Variants in UBE2E1 observed in about 807,000 individuals in gnomAD.
The protein encoded by UBE2E1 is ubiquitin-conjugating enzyme E2 E1.
UBE2E1 carries 6 observed loss-of-function variants against 21.4 expected under a neutral mutation model. The ratio of observed to expected loss-of-function variants is 0.28; its 90% CI spans 0.15 to 0.55. The LOEUF is 0.55. Ranked by LOEUF, UBE2E1 falls within the 20% of genes least tolerant of loss-of-function variation. UBE2E1 has a pLI of 0.93. For synonymous variants in UBE2E1, 87 were observed against 82.7 expected (o/e 1.05, Z -0.28); for missense variants, 142 against 236.5 (o/e 0.60, Z 2.62).
intron 3 of UBE2E1, among the ~76,000 whole-genome samples, chr3:23,868,722 T>G (rs1483446770): frequency 1.3e-5 from 2 of 149,332 alleles, no homozygotes; most frequent in Non-Finnish European, 3.0e-5. Flanking sequence ...ACAGTGTTGT[T>G]TTTTTTTTTT....
At chr3:23,828,162 A>C (rs1400915372) in intron 3 of UBE2E1, among the ~76,000 whole-genome samples, 1 of 152,210 alleles carries the variant, frequency 6.6e-6, no homozygotes, top group African/African-American at 2.4e-5. Context: ...TCTTGTACCT[A>C]ACACCAGAAG....
intron 2 of UBE2E1, 114 bp from the exon 3 acceptor site, chr3:23,811,346 C>T: frequency 2.1e-6 from 2 of 968,538 alleles, no homozygotes; most frequent in South Asian, 1.3e-5. Flanking sequence ...CCTCTTTGCC[C>T]AGTAGAATCC....
chr3:23,808,218 C>T lies in UBE2E1; in HGVS notation c.152+797C>T, dbSNP rs1012639306. Among the ~76,000 whole-genome samples the T allele has an allele frequency of 1.3e-4, 20 of 152,096 alleles. No homozygotes were observed. Among genetic ancestry groups the T allele is most frequent in the African/African-American group, 4.6e-4 (19 of 41,410 alleles). ...TACTTTTTATCCCTGCCATCCTAAG[C>T]GGTCACCCTTTTTCTTTATTCTTTT... On this transcript the variant is annotated intron_variant, in intron 2 of 5. Transcript: ENST00000306627. This position sits in a 1 kb window ranked among gnomAD's most constrained non-coding sequence, Gnocchi z 4.9.
At chr3:23,875,717 T>C (rs9845287) in intron 3 of UBE2E1, among the ~76,000 whole-genome samples, 117,137 of 152,160 alleles carry the variant, frequency 0.77, 45,674 homozygotes, top group African/African-American at 0.86. Flanking sequence ...GGAAGATATA[T>C]CCCCTATTTA....
intron 3 of UBE2E1, among the ~76,000 whole-genome samples, chr3:23,877,964 T>C (rs1250969278): frequency 6.6e-6 from 1 of 152,184 alleles, no homozygotes; most frequent in Non-Finnish European, 1.5e-5. Flanking sequence ...GCTGGCACTG[T>C]TGCTACCCTG....
intron 3 of UBE2E1, among the ~76,000 whole-genome samples, chr3:23,872,292 A>G (rs1033281759): frequency 6.8e-6 from 1 of 146,640 alleles, no homozygotes; most frequent in Non-Finnish European, 1.5e-5. Context: ...AGAATCAGGC[A>G]GGGAGGTTGC....
chr3:23,855,691 G>A (rs1009604291), intron 3 of UBE2E1, among the ~76,000 whole-genome samples: 121 of 152,068 alleles, frequency 8.0e-4, no homozygotes, highest in African/African-American at 2.7e-3. Flanking sequence ...TTAGCTGGGC[G>A]TGGTGGTGGG....
rs1329658244 is a variant in UBE2E1 at position 23,842,233 on chromosome 3, GT to G, written c.203+30724del. On this transcript the variant is annotated intron_variant, in intron 3 of 5. Coordinates refer to ENST00000306627, the MANE Select transcript of UBE2E1 (RefSeq NM_003341.5). The surrounding 1 kb of genome is among the most constrained non-coding windows in gnomAD (Gnocchi z 4.6). ...TGTGTGTGTGTGTGTGTGTGTGTGT[GT>G]GTGTGTGTGTGTGTGGTGTTGTTGT... Among the ~76,000 whole-genome samples, 3,274 of 82,392 alleles carry G rather than the reference GT, an allele frequency of 0.04. 84 individuals carry two copies. The highest frequency in any genetic ancestry group is 0.095 in the African/African-American group (2,169 of 22,884). 54.1% of individuals were successfully genotyped at this position (82,392 alleles called of 152,430 possible).
intron 5 of UBE2E1, 85 bp from the exon 6 acceptor site, chr3:23,890,424 C>T (rs937664878): frequency 1.3e-5 from 17 of 1,272,842 alleles, no homozygotes; most frequent in Middle Eastern, 3.8e-4. Context: ...CTTTGTCGTA[C>T]GTATCTACCC....
chr3:23,887,831 C>A lies in UBE2E1; in HGVS notation c.336+132C>A. On this transcript the variant is annotated intron_variant, in intron 4 of 5. Transcript: ENST00000306627. This position sits in a 1 kb window ranked among gnomAD's most constrained non-coding sequence, Gnocchi z 4.4. Reference sequence around the variant, plus strand: ...GTCCTAATAGATCTGAGTATTTTAACATATACAAAACACTTCTTTAGGTTG... The same window carrying A: ...GTCCTAATAGATCTGAGTATTTTAAAATATACAAAACACTTCTTTAGGTTG... 1 of 1,251,558 alleles carries A rather than the reference C, an allele frequency of 8.0e-7. No individual in the cohort carries two copies. Among genetic ancestry groups the A allele is most frequent in the Non-Finnish European group, 1.1e-6 (1 of 927,174 alleles). The allele number at this position is 1,251,558 out of a possible 1,614,324, so 77.5% of individuals were successfully genotyped here.
intron 3 of UBE2E1, among the ~76,000 whole-genome samples, chr3:23,873,765 C>T (rs1700854886): frequency 6.6e-6 from 1 of 152,062 alleles, no homozygotes; most frequent in African/African-American, 2.4e-5. Flanking sequence ...AAATAAGAGA[C>T]CGGCAGGAGA....
intron 3 of UBE2E1, among the ~76,000 whole-genome samples, chr3:23,874,604 A>G (rs1700875106): frequency 6.6e-6 from 1 of 152,184 alleles, no homozygotes; most frequent in African/African-American, 2.4e-5. Flanking sequence ...TAGAGGAGTC[A>G]TCACCACACA....
In UBE2E1 at chr3:23,823,455, C is replaced by G. The variant is rs1189950912; in HGVS notation, c.203+11945C>G. Among the ~76,000 whole-genome samples, 1 of 152,196 alleles carries G rather than the reference C, an allele frequency of 6.6e-6. No individual in the cohort carries two copies. The highest frequency in any genetic ancestry group is 2.4e-5 in the African/African-American group (1 of 41,454). On this transcript the variant is annotated intron_variant, in intron 3 of 5. Transcript: ENST00000306627. This position sits in a 1 kb window ranked among gnomAD's most constrained non-coding sequence, Gnocchi z 4.2. ...ATATGTGGAACCACAACTGTTTTGG[C>G]TACGTAGGAATTTTGCTCCACAAGT...
Position 23,876,037 on chromosome 3 carries a change from C to T in UBE2E1, c.204-11530C>T, listed in dbSNP as rs1700907726. 6.6e-6 allele frequency among the ~76,000 whole-genome samples: 1 copy of T among 152,218 alleles called. No homozygotes were observed. Among genetic ancestry groups the T allele is most frequent in the Admixed American group, 6.5e-5 (1 of 15,280 alleles). Reference sequence around the variant, plus strand: ...CTGCCCGCTTTGGCCTCACAAAGTGCTGGGATTACAGGCGTGAGCCACTGT... The same window carrying T: ...CTGCCCGCTTTGGCCTCACAAAGTGTTGGGATTACAGGCGTGAGCCACTGT... On this transcript the variant is annotated intron_variant, in intron 3 of 5. Coordinates refer to ENST00000306627, the MANE Select transcript of UBE2E1 (RefSeq NM_003341.5). This position sits in a 1 kb window ranked among gnomAD's most constrained non-coding sequence, Gnocchi z 4.3.
In UBE2E1 at chr3:23,889,153, T is replaced by C; in HGVS notation, c.378T>C (p.Ser126=). 1 of 1,610,956 alleles carries C rather than the reference T, an allele frequency of 6.2e-7. No individual in the cohort carries two copies. The highest frequency in any genetic ancestry group is 2.0e-4 in the Middle Eastern group (1 of 5,112). ...RTRIYHCNIN[S]QGVICLDILK... is the part of the protein sequence containing the mutation. ...GAATCTATCATTGTAATATTAACAG[T>C]CAAGGTGTTATTTGCTTGGACATAT... Residue 126 remains serine, a synonymous_variant, in exon 5 of 6, where the codon AGT becomes AGC. Transcript: ENST00000306627.
At chr3:23,812,838 T>G (rs1025223823) in intron 3 of UBE2E1, among the ~76,000 whole-genome samples, 1 of 152,306 alleles carries the variant, frequency 6.6e-6, no homozygotes, top group East Asian at 1.9e-4. Context: ...AAGGTGGTTC[T>G]GTGCTGTCTA....
At chr3:23,874,019 G>T (rs1041647638) in intron 3 of UBE2E1, among the ~76,000 whole-genome samples, 2 of 152,208 alleles carry the variant, frequency 1.3e-5, no homozygotes, top group African/African-American at 2.4e-5. Context: ...ATTGAAGTCT[G>T]TTTCTTGAAC....
chr3:23,881,805 G>T (rs1219381704), intron 3 of UBE2E1, among the ~76,000 whole-genome samples: 1 of 152,168 alleles, frequency 6.6e-6, no homozygotes. Flanking sequence ...TCCGGAGTTT[G>T]TTCCTTCTGA....
In UBE2E1 at chr3:23,870,821, G is replaced by GT. The variant is rs1167370407; in HGVS notation, c.204-16746_204-16745insT. Among the ~76,000 whole-genome samples the GT allele has an allele frequency of 1.6e-5, 2 of 126,952 alleles. No individual in the cohort carries two copies. Among genetic ancestry groups the GT allele is most frequent in the African/African-American group, 5.2e-5 (2 of 38,388 alleles). 83.3% of individuals were successfully genotyped at this position (126,952 alleles called of 152,430 possible). ...CTGGTTTTCCTAGGCAGAGGACCCT[G>GT]CGGCCTTCCGCAGTGTTTGTGTCCC... On this transcript the variant is annotated intron_variant, in intron 3 of 5. Coordinates refer to ENST00000306627, the MANE Select transcript of UBE2E1 (RefSeq NM_003341.5). The surrounding 1 kb of genome is among the most constrained non-coding windows in gnomAD (Gnocchi z 4.2).
Sources: gnomAD v4.1 joint callset for allele counts (sites outside exome capture counted in the v4.1 genomes callset) on GRCh38, gnomAD v4.1.1 for gene constraint, Gnocchi (gnomAD v3.1) non-coding constraint, MANE v1.5 for transcripts, NCBI Gene and HGNC (gene_info 2026-07-23, HGNC 2026-07-21) for gene names.